The following HYDIN variants were observed in gnomAD, a reference collection of about 807,000 sequenced individuals.
HYDIN encodes HYDIN axonemal central pair apparatus protein.
HYDIN carries 132 observed loss-of-function variants against 403.9 expected under a neutral mutation model. That is an observed-to-expected ratio of 0.33 (90% CI 0.28 to 0.38). The LOEUF (loss-of-function observed/expected upper bound fraction) is 0.38, where lower values mean the gene tolerates loss of function less well. HYDIN is among the 10% of genes least tolerant of loss of function. The probability of loss-of-function intolerance (pLI) is 1.00; values close to 1 mark genes in which losing one functional copy is unlikely to be tolerated. For missense variants in HYDIN, 2,827 were observed against 5,009.5 expected, an observed-to-expected ratio of 0.56 and a Z score of 13.15; for synonymous variants, 1,202 against 1,891.7, an observed-to-expected ratio of 0.64 and a Z score of 9.46.
intron 3 of HYDIN, among the ~76,000 whole-genome samples, chr16:71,181,213 G>T (rs2086887830): frequency 6.7e-6 from 1 of 150,362 alleles, no homozygotes; most frequent in Non-Finnish European, 1.5e-5. Context: ...AAAAATCCCA[G>T]CAGTTTTTTT....
intron 76 of HYDIN, among the ~76,000 whole-genome samples, chr16:70,839,645 C>T (rs560820602): frequency 6.6e-5 from 10 of 152,294 alleles, no homozygotes; most frequent in African/African-American, 1.9e-4. Flanking sequence ...TGGACTAGAA[C>T]ATCCCACACA....
intron 1 of HYDIN, among the ~76,000 whole-genome samples, chr16:71,214,476 G>A (rs900345665): frequency 3.9e-5 from 6 of 152,136 alleles, no homozygotes; most frequent in African/African-American, 1.4e-4. Context: ...TAAATTATTG[G>A]AGGATTTTTG....
chr16:71,010,374 G>C (rs1327175950), intron 23 of HYDIN, among the ~76,000 whole-genome samples: 1 of 152,144 alleles, frequency 6.6e-6, no homozygotes, highest in Non-Finnish European at 1.5e-5. Context: ...ATCAGTGAGA[G>C]GTACCTGCGG....
intron 38 of HYDIN, among the ~76,000 whole-genome samples, chr16:70,960,651 G>T (rs915057535): frequency 3.3e-5 from 5 of 151,850 alleles, no homozygotes; most frequent in African/African-American, 9.7e-5. Context: ...AATATATCTT[G>T]GACATCTTTC....
intron 24 of HYDIN, 106 bp from the exon 25 acceptor site, chr16:70,991,502 C>G: frequency 2.6e-6 from 4 of 1,527,260 alleles, no homozygotes; most frequent in Non-Finnish European, 3.5e-6. Context: ...TACCACACCC[C>G]CAAACGTAAG....
At chr16:70,910,461 A>C (rs1261503046) in intron 47 of HYDIN, among the ~76,000 whole-genome samples, 2 of 152,246 alleles carry the variant, frequency 1.3e-5, no homozygotes, top group East Asian at 3.8e-4. Flanking sequence ...TATATACCAC[A>C]GTTTCTTTAT....
At chr16:71,199,718 G>A (rs919896184) in intron 1 of HYDIN, among the ~76,000 whole-genome samples, 2 of 152,132 alleles carry the variant, frequency 1.3e-5, no homozygotes, top group African/African-American at 2.4e-5. Context: ...CATTCATAAC[G>A]TGAAGATGGT....
chr16:70,872,305 C>A (rs971246830), intron 64 of HYDIN, 126 bp from the exon 65 acceptor site: 5 of 537,246 alleles, frequency 9.3e-6, no homozygotes, highest in East Asian at 6.7e-5. Flanking sequence ...ATTTGAGAAA[C>A]CTAGAATCTC....
intron 13 of HYDIN, among the ~76,000 whole-genome samples, chr16:71,077,708 C>T (rs1368989935): frequency 6.6e-6 from 1 of 151,624 alleles, no homozygotes; most frequent in Admixed American, 6.6e-5. Context: ...ATGCTTTCAA[C>T]ATTAAATTGT....
At chr16:71,180,436 AAAAG>A (rs2086850081) in intron 3 of HYDIN, among the ~76,000 whole-genome samples, 1 of 152,080 alleles carries the variant, frequency 6.6e-6, no homozygotes, top group African/African-American at 2.4e-5. Context: ...TACCAAACAT[AAAAG>A]AAACAACTCA....
intron 7 of HYDIN, among the ~76,000 whole-genome samples, chr16:71,151,005 C>T (rs3094860): frequency 6.6e-6 from 1 of 152,174 alleles, no homozygotes; most frequent in Non-Finnish European, 1.5e-5. Flanking sequence ...CATCGCTTTA[C>T]ACCACTAGTA....
At chr16:71,149,855 A>C (rs2085471307) in intron 7 of HYDIN, among the ~76,000 whole-genome samples, 1 of 151,366 alleles carries the variant, frequency 6.6e-6, no homozygotes, top group Admixed American at 6.6e-5. Flanking sequence ...AATACTTTTA[A>C]ATTGATCACT....
chr16:71,222,963 C>G (rs116945126), intron 1 of HYDIN, among the ~76,000 whole-genome samples: 340 of 152,150 alleles, frequency 2.2e-3, no homozygotes, highest in Non-Finnish European at 3.7e-3. Context: ...CACAGAACTA[C>G]AACAAACAAT....
intron 3 of HYDIN, among the ~76,000 whole-genome samples, chr16:71,181,302 A>G (rs1224938665): frequency 2.0e-5 from 3 of 151,910 alleles, no homozygotes; most frequent in Non-Finnish European, 1.5e-5. Context: ...GAAGAACAAG[A>G]TAGGAGGATT....
At position 70,884,578 on chromosome 16, in the gene HYDIN, C is replaced by G. The variant is rs1257069039; in HGVS notation, c.9775-454G>C. On this transcript the variant is annotated intron_variant, in intron 58 of 85. Transcript: ENST00000393567. ...CTTCTCTGAGTCTCAGTTTATTTAT[C>G]TATAAAATGGGGCTAAAGCCCCGAC... Among the ~76,000 whole-genome samples the G allele has an allele frequency of 3.3e-5, 5 of 151,752 alleles. No homozygotes were observed. In the East Asian group the frequency reaches 5.9e-4, roughly 18 times the overall value.
At chr16:71,195,941 A>G (rs2087679312) in intron 1 of HYDIN, among the ~76,000 whole-genome samples, 1 of 152,220 alleles carries the variant, frequency 6.6e-6, no homozygotes, top group Admixed American at 6.5e-5. Flanking sequence ...TCCAGGTCAG[A>G]CACAGGCAAA....
intron 10 of HYDIN, among the ~76,000 whole-genome samples, chr16:71,112,766 C>T (rs1380299539): frequency 6.6e-6 from 1 of 152,026 alleles, no homozygotes. Flanking sequence ...AATGGAATAG[C>T]TCACAGAGGT....
At chr16:70,834,432 G>A (rs1282732061) in intron 78 of HYDIN, among the ~76,000 whole-genome samples, 2 of 151,762 alleles carry the variant, frequency 1.3e-5, no homozygotes, top group East Asian at 3.9e-4. Context: ...CTTATTTTGT[G>A]TACTTCCTTC....
chr16:71,051,715 C>G (rs7202701), intron 18 of HYDIN, among the ~76,000 whole-genome samples: 14,256 of 108,532 alleles, frequency 0.13, no homozygotes, highest in African/African-American at 0.19. Context: ...TGAGGAATAA[C>G]AGCGTCTACT....
Sources: gnomAD v4.1 joint callset for allele counts (sites outside exome capture counted in the v4.1 genomes callset) on GRCh38, gnomAD v4.1.1 for gene constraint, MANE v1.5 for transcripts, NCBI Gene and HGNC (gene_info 2026-07-23, HGNC 2026-07-21) for gene names.